The following VPS53 variants were observed in gnomAD, a reference collection of about 807,000 sequenced individuals.
VPS53 encodes the protein VPS53 subunit of GARP complex, also known as vacuolar protein sorting-associated protein 53 homolog.
A neutral mutation model predicts 107.0 loss-of-function variants in VPS53; 70 were observed. The ratio of observed to expected loss-of-function variants is 0.65; its 90% CI spans 0.54 to 0.80. The LOEUF (loss-of-function observed/expected upper bound fraction) is 0.80, where lower values mean the gene tolerates loss of function less well. VPS53 is among the 30% of genes least tolerant of loss of function. The pLI is 0.00. For missense variants in VPS53, 917 were observed against 1,049.4 expected, an observed-to-expected ratio of 0.87 and a Z score of 1.74; for synonymous variants, 409 against 393.3, an observed-to-expected ratio of 1.04 and a Z score of -0.47.
intron 13 of VPS53, among the ~76,000 whole-genome samples, chr17:566,203 C>CAAAA (rs1003234136): frequency 3.5e-5 from 2 of 57,212 alleles, no homozygotes; most frequent in Non-Finnish European, 8.1e-5. Context: ...GACTCCGTCT[C>CAAAA]AAAAAAAAAA....
Position 626,047 on chromosome 17 carries a change from T to A in VPS53, c.974+1127A>T, listed in dbSNP as rs55985827. 2.6e-3 allele frequency among the ~76,000 whole-genome samples: 400 copies of A among 152,008 alleles called. 3 individuals are homozygous for A. Among genetic ancestry groups the A allele is most frequent in the African/African-American group, 9.3e-3 (387 of 41,444 alleles). On this transcript the variant is annotated intron_variant, in intron 10 of 21. Transcript: ENST00000437048. ...GCAAAACTCTTGTCTCTACAAAAAA[T>A]ACACACACAAAAATTAGCCGGTGTG...
At chr17:570,120 A>G (rs1482535477) in intron 13 of VPS53, among the ~76,000 whole-genome samples, 1 of 152,048 alleles carries the variant, frequency 6.6e-6, no homozygotes, top group Non-Finnish European at 1.5e-5. Context: ...TAATCTCAGC[A>G]CTTTGGGAGG....
intron 19 of VPS53, among the ~76,000 whole-genome samples, chr17:528,730 C>G (rs569290411): frequency 2.7e-4 from 41 of 151,832 alleles, no homozygotes; most frequent in Non-Finnish European, 4.9e-4. Context: ...TCCCGAGTAG[C>G]TGGAGTTACA....
At chr17:598,694 C>A (rs1303549293) in intron 12 of VPS53, among the ~76,000 whole-genome samples, 1 of 123,088 alleles carries the variant, frequency 8.1e-6, no homozygotes, top group Non-Finnish European at 1.9e-5. Context: ...CCGGCCGCCC[C>A]GTCTGAGAAG....
intron 4 of VPS53, among the ~76,000 whole-genome samples, chr17:682,285 G>T (rs147290059): frequency 2.0e-5 from 3 of 152,176 alleles, no homozygotes; most frequent in Non-Finnish European, 1.5e-5. Context: ...GAAACCCGCT[G>T]ATCAGCTGTG....
At chr17:652,872 G>A (rs1460566458) in intron 7 of VPS53, among the ~76,000 whole-genome samples, 1 of 152,232 alleles carries the variant, frequency 6.6e-6, no homozygotes, top group East Asian at 1.9e-4. Context: ...GAAGACATGG[G>A]AAGGGGTAAA....
intron 6 of VPS53, among the ~76,000 whole-genome samples, chr17:654,307 G>A (rs1971085709): frequency 6.6e-6 from 1 of 152,308 alleles, no homozygotes; most frequent in African/African-American, 2.4e-5. Flanking sequence ...TAAGGTTAAT[G>A]ACGCTTAAAT....
chr17:547,923 T>C (rs1311216447), intron 17 of VPS53, among the ~76,000 whole-genome samples: 2 of 152,204 alleles, frequency 1.3e-5, no homozygotes, highest in Middle Eastern at 3.2e-3. Context: ...GCCAACTGTA[T>C]ACTTTAAAAG....
intron 11 of VPS53, among the ~76,000 whole-genome samples, chr17:606,678 G>A (rs1010194544): frequency 6.6e-6 from 1 of 152,146 alleles, no homozygotes; most frequent in South Asian, 2.1e-4. Flanking sequence ...TGCATATCAC[G>A]AGGTGAGCAG....
intron 13 of VPS53, among the ~76,000 whole-genome samples, chr17:573,837 C>G (rs1473631289): frequency 2.6e-5 from 4 of 152,174 alleles, no homozygotes; most frequent in Admixed American, 1.3e-4. Flanking sequence ...TATGAATGGT[C>G]TCATGCTTTC....
In VPS53 at chr17:679,258, G is replaced by A. The variant is rs77453854; in HGVS notation, c.286-17363C>T. 2.6e-3 allele frequency among the ~76,000 whole-genome samples: 403 copies of A among 152,190 alleles called. 3 individuals are homozygous for A. Among genetic ancestry groups the A allele is most frequent in the African/African-American group, 9.4e-3 (390 of 41,550 alleles). On this transcript the variant is annotated intron_variant, in intron 4 of 21. Coordinates refer to ENST00000437048, the MANE Select transcript of VPS53 (RefSeq NM_001128159.3). ...AGGCCAGATGCGGTGGCTCACACCT[G>A]TCATCCCAGCACATTGGGAGGCCGA...
chr17:587,653 A>C (rs1279090728), intron 12 of VPS53, among the ~76,000 whole-genome samples: 2 of 152,226 alleles, frequency 1.3e-5, no homozygotes, highest in Non-Finnish European at 2.9e-5. Context: ...CATCTAAAAA[A>C]TAAGCAAAGA....
intron 19 of VPS53, among the ~76,000 whole-genome samples, chr17:530,441 C>CT (rs34161884): frequency 0.02 from 3,047 of 152,276 alleles, 41 homozygotes; most frequent in Non-Finnish European, 0.031. Context: ...GTGTAAGCCA[C>CT]TGCACCCGGC....
At chr17:699,010 G>C (rs1237057504) in intron 3 of VPS53, among the ~76,000 whole-genome samples, 1 of 151,828 alleles carries the variant, frequency 6.6e-6, no homozygotes, top group African/African-American at 2.4e-5. Context: ...TCTACTAAAA[G>C]TACAAAATTT....
chr17:540,417 C>A (rs977817316), intron 17 of VPS53: 1 of 152,174 alleles, frequency 6.6e-6, no homozygotes, highest in African/African-American at 2.4e-5. Flanking sequence ...GTTGCCCAGA[C>A]TGGTCTTGAA....
intron 19 of VPS53, 61 bp downstream of exon 19, chr17:532,781 A>G: frequency 6.2e-7 from 1 of 1,601,958 alleles, no homozygotes; most frequent in South Asian, 1.1e-5. Flanking sequence ...GACTAGAAGA[A>G]TATGTGCTTG....
intron 9 of VPS53, 26 bp downstream of exon 9, chr17:628,062 T>A: frequency 6.3e-7 from 1 of 1,596,740 alleles, no homozygotes. Flanking sequence ...AAATGTTACA[T>A]CTGATCTTAT....
intron 11 of VPS53, among the ~76,000 whole-genome samples, chr17:617,360 A>C (rs2143016666): frequency 6.6e-6 from 1 of 152,358 alleles, no homozygotes; most frequent in Non-Finnish European, 1.5e-5. Flanking sequence ...ACTTCTCAGG[A>C]GAAACTCAGG....
intron 17 of VPS53, among the ~76,000 whole-genome samples, chr17:546,332 C>CAG (rs2151829197): frequency 1.4e-5 from 1 of 71,982 alleles, no homozygotes; most frequent in South Asian, 5.0e-4. Flanking sequence ...AGATATCTCA[C>CAG]ACACACACAC....
Sources: allele counts gnomAD v4.1 joint callset (sites outside exome capture counted in the v4.1 genomes callset), GRCh38; gene constraint gnomAD v4.1.1; transcripts MANE v1.5; gene names NCBI Gene and HGNC (gene_info 2026-07-23, HGNC 2026-07-21).